Variants in ZMYM4 observed in about 807,000 individuals in gnomAD.
ZMYM4 encodes the protein zinc finger MYM-type containing 4.
A neutral mutation model predicts 183.2 loss-of-function variants in ZMYM4; 31 were observed. The observed-to-expected ratio is 0.17, with a 90% CI of 0.13 to 0.23. ZMYM4 has a LOEUF of 0.23. ZMYM4 is among the 10% of genes least tolerant of loss of function. The pLI, the probability that ZMYM4 is intolerant of heterozygous loss-of-function variation, is 1.00. For synonymous variants in ZMYM4, 592 were observed against 631.2 expected, an observed-to-expected ratio of 0.94 and a Z score of 0.93; for missense variants, 1,273 against 1,840.3, an observed-to-expected ratio of 0.69 and a Z score of 5.64.
In ZMYM4 at chr1:35,306,757, T is replaced by C. The variant is rs75633715; in HGVS notation, c.40-18603T>C. 2.7e-3 allele frequency among the ~76,000 whole-genome samples: 414 copies of C among 152,326 alleles called. 2 individuals carry two copies. The highest frequency in any genetic ancestry group is 9.7e-3 in the African/African-American group (402 of 41,578). On this transcript the variant is annotated intron_variant, in intron 1 of 29. Transcript: ENST00000314607. ...TCCATTTCTTCTGTTGTGGACCTCC[T>C]CTACTAAAACTTTCTTACCTTTCCC...
intron 5 of ZMYM4, among the ~76,000 whole-genome samples, chr1:35,363,377 C>G (rs1643990698): frequency 6.6e-6 from 1 of 152,154 alleles, no homozygotes; most frequent in African/African-American, 2.4e-5. Context: ...AAGAAATGTC[C>G]TGTGCATTGC....
At chr1:35,342,251 C>T (rs1179879240) in intron 2 of ZMYM4, among the ~76,000 whole-genome samples, 5 of 152,092 alleles carry the variant, frequency 3.3e-5, no homozygotes, top group African/African-American at 1.2e-4. Flanking sequence ...ACCTCTCATG[C>T]TTAAGTGAGC....
chr1:35,358,896 T>C, intron 2 of ZMYM4, 29 bp from the exon 3 acceptor site: 1 of 1,580,386 alleles, frequency 6.3e-7, no homozygotes, highest in Non-Finnish European at 8.6e-7. Flanking sequence ...AGCACTATCA[T>C]TTGTCTAAAC....
rs905670280 is a variant in ZMYM4 at position 35,345,726 on chromosome 1, C to T, written c.86-13199C>T. ...CCTCCCAAAGTGCTGGGATTACAAC[C>T]GTGAGCCACTGTACCCAGCCTCCCA... is the stretch of plus-strand genomic sequence containing the variant. On this transcript the variant is annotated intron_variant, in intron 2 of 29. Transcript: ENST00000314607. 2.0e-4 allele frequency among the ~76,000 whole-genome samples: 30 copies of T among 152,280 alleles called. 1 individual carries two copies. The highest frequency in any genetic ancestry group is 6.0e-4 in the African/African-American group (25 of 41,562).
At chr1:35,364,824 A>G (rs1570443813) in intron 5 of ZMYM4, among the ~76,000 whole-genome samples, 1 of 152,128 alleles carries the variant, frequency 6.6e-6, no homozygotes, top group South Asian at 2.1e-4. Context: ...TACACAATTC[A>G]TTTTGGTCCT....
rs1430703670 is a variant in ZMYM4 at position 35,392,350 on chromosome 1, A to G, written c.2726A>G (p.Gln909Arg). ...ACAGTGAATTCTAACAGTGTCTTAC[A>G]AGGTATGGCTTGATTGGAAAGCATT... ...QPTVNSNSVL[Q>R]GAVPTVTAKI... Residue 909 changes from glutamine to arginine, a missense_variant and splice_region_variant, in exon 16 of 30, where the codon CAA (glutamine) becomes CGA (arginine). Physicochemically the swap from Gln to Arg is conservative, Grantham distance 43 (BLOSUM62 1). This residue lies in a region of ZMYM4 where 290 missense variants were observed against 353.3 expected (regional missense o/e 0.82). Coordinates refer to ENST00000314607, the MANE Select transcript of ZMYM4 (RefSeq NM_005095.3). The G allele has an allele frequency of 7.4e-6, 12 of 1,613,652 alleles. No homozygotes were observed. Among genetic ancestry groups the G allele is most frequent in the African/African-American group, 2.7e-5 (2 of 74,912 alleles).
chr1:35,273,369 A>T (rs1426338775), intron 1 of ZMYM4, among the ~76,000 whole-genome samples: 1 of 152,034 alleles, frequency 6.6e-6, no homozygotes, highest in Non-Finnish European at 1.5e-5. Context: ...AGCTTTTAAG[A>T]CTCATTAGGT....
intron 1 of ZMYM4, among the ~76,000 whole-genome samples, chr1:35,302,177 C>T (rs954678962): frequency 6.9e-6 from 1 of 145,196 alleles, no homozygotes; most frequent in Admixed American, 6.8e-5. Flanking sequence ...TTTGTATTAT[C>T]CACAAGCTAA....
chr1:35,348,968 A>G (rs946615452), intron 2 of ZMYM4, among the ~76,000 whole-genome samples: 11 of 152,108 alleles, frequency 7.2e-5, no homozygotes, highest in African/African-American at 2.7e-4. Flanking sequence ...AATCATGAAG[A>G]TGGCCTATAT....
At chr1:35,329,641 ATTC>A (rs1219117052) in intron 2 of ZMYM4, among the ~76,000 whole-genome samples, 12 of 152,178 alleles carry the variant, frequency 7.9e-5, no homozygotes, top group African/African-American at 2.9e-4. Context: ...TCTAAAAATT[ATTC>A]TTATTATTTT....
intron 1 of ZMYM4, among the ~76,000 whole-genome samples, chr1:35,315,901 G>A (rs1231507590): frequency 1.3e-5 from 2 of 152,050 alleles, no homozygotes; most frequent in African/African-American, 4.8e-5. Context: ...ACCCTGGCCT[G>A]GGTGACAGAG....
At chr1:35,405,920 C>T (rs537607074) in intron 25 of ZMYM4, among the ~76,000 whole-genome samples, 1 of 152,118 alleles carries the variant, frequency 6.6e-6, no homozygotes, top group Non-Finnish European at 1.5e-5. Context: ...AATAAAGCAA[C>T]AGTGTATAAT....
intron 7 of ZMYM4, among the ~76,000 whole-genome samples, chr1:35,378,375 TAGGAATCACTATCTA>T (rs1300028070): frequency 6.6e-6 from 1 of 152,196 alleles, no homozygotes; most frequent in Non-Finnish European, 1.5e-5. Flanking sequence ...GGATCCGTTA[TAGGAATCACTATCTA>T]TGGCAGCTGT....
chr1:35,415,801 TGC>T, intron 28 of ZMYM4, 87 bp downstream of exon 28: 1 of 1,491,654 alleles, frequency 6.7e-7, no homozygotes, highest in South Asian at 1.3e-5. Context: ...TAATTATAAA[TGC>T]TAGACGTGAA....
chr1:35,419,427 T>C, intron 29 of ZMYM4, 43 bp from the exon 30 acceptor site: 1 of 1,595,106 alleles, frequency 6.3e-7, no homozygotes, highest in South Asian at 1.1e-5. Context: ...CTCTCTGATT[T>C]CTAATTTTCT....
Position 35,414,018 on chromosome 1 carries a change from A to G in ZMYM4, c.3995A>G (p.Tyr1332Cys). 1 of 1,595,244 alleles carries G rather than the reference A, an allele frequency of 6.3e-7. No homozygotes were observed. The highest frequency in any genetic ancestry group is 8.5e-7 in the Non-Finnish European group (1 of 1,172,452). The change falls in exon 27 of 30, where the codon TAT becomes TGT. Residue 1332 changes from tyrosine to cysteine, a missense_variant. Tyr to Cys is a radical substitution (Grantham distance 194, BLOSUM62 -2). Transcript: ENST00000314607. ...ATAGATAACATTTTTACTGAGCCCT[A>G]TTCCAGATTTATGATTGAACTTACC... The part of the protein sequence containing the change: ...GRIDNIFTEP[Y>C]SRFMIELTKL...
At chr1:35,386,776 A>G (rs975256380) in intron 11 of ZMYM4, among the ~76,000 whole-genome samples, 2 of 152,140 alleles carry the variant, frequency 1.3e-5, no homozygotes, top group Non-Finnish European at 2.9e-5. Flanking sequence ...CATATTATCT[A>G]TTGGGAGGAT....
intron 1 of ZMYM4, 38 bp from the exon 2 acceptor site, chr1:35,325,322 T>C (rs369308830): frequency 2.5e-6 from 4 of 1,576,948 alleles, no homozygotes; most frequent in East Asian, 2.3e-5. Flanking sequence ...ATAGAAGATA[T>C]GATGGTAATG....
At chr1:35,293,847 A>T (rs1640879393) in intron 1 of ZMYM4, among the ~76,000 whole-genome samples, 1 of 152,158 alleles carries the variant, frequency 6.6e-6, no homozygotes, top group Non-Finnish European at 1.5e-5. Context: ...ATTCTGTGGA[A>T]TACTTGAATT....
Sources: allele counts gnomAD v4.1 joint callset (sites outside exome capture counted in the v4.1 genomes callset), GRCh38; gene constraint gnomAD v4.1.1; regional missense constraint gnomAD v4.1.1; transcripts MANE v1.5; gene names NCBI Gene and HGNC (gene_info 2026-07-23, HGNC 2026-07-21).